Variants in VEPH1 observed in about 807,000 individuals in gnomAD.
VEPH1 encodes the protein ventricular zone expressed PH domain containing 1, also known as ventricular zone-expressed PH domain-containing protein homolog 1.
A neutral mutation model predicts 85.2 loss-of-function variants in VEPH1; 80 were observed. The ratio of observed to expected loss-of-function variants is 0.94; its 90% confidence interval spans 0.78 to 1.13. VEPH1 has a LOEUF of 1.13. Among genes scored for constraint, VEPH1 ranks in the 50% most tolerant of loss-of-function variants. The probability of loss-of-function intolerance (pLI) is 0.00; values close to 1 mark genes in which losing one functional copy is unlikely to be tolerated. For missense variants in VEPH1, 955 were observed against 980.5 expected, an observed-to-expected ratio of 0.97 and a Z score of 0.35; for synonymous variants, 297 against 348.0, an observed-to-expected ratio of 0.85 and a Z score of 1.63.
intron 12 of VEPH1, among the ~76,000 whole-genome samples, chr3:157,272,240 TCTTCCTTCCTTCCTTCCTTCCTTCCTTC>T (rs59176910): frequency 6.4e-4 from 88 of 137,316 alleles, no homozygotes; most frequent in African/African-American, 1.3e-3. Flanking sequence ...TCTCTTTTCT[TCTTCCTTCCTTCCTTCCTTCCTTCCTTC>T]CTTCCTTCCT....
intron 2 of VEPH1, among the ~76,000 whole-genome samples, chr3:157,486,366 G>T (rs1328494569): frequency 6.6e-6 from 1 of 151,584 alleles, no homozygotes; most frequent in Admixed American, 6.6e-5. Flanking sequence ...TGTGGTGGTG[G>T]GCACCTGTAA....
At chr3:157,431,845 C>CATAT (rs1478549081) in intron 4 of VEPH1, among the ~76,000 whole-genome samples, 6 of 149,496 alleles carry the variant, frequency 4.0e-5, no homozygotes, top group African/African-American at 1.5e-4. Flanking sequence ...TATATATATA[C>CATAT]ATATATATAT....
At chr3:157,461,529 G>A (rs1735872806) in intron 3 of VEPH1, among the ~76,000 whole-genome samples, 1 of 152,088 alleles carries the variant, frequency 6.6e-6, no homozygotes, top group African/African-American at 2.4e-5. Flanking sequence ...TGCAAAGCCA[G>A]GACCACTTAC....
intron 10 of VEPH1, 50 bp downstream of exon 10, chr3:157,317,012 C>T: frequency 6.4e-7 from 1 of 1,560,410 alleles, no homozygotes; most frequent in Non-Finnish European, 8.7e-7. Context: ...ATTATAAGCC[C>T]ATATCCCAGA....
rs746649299 is a variant in VEPH1 at position 157,495,251 on chromosome 3, T to C, written c.99A>G (p.Thr33=). The change falls in exon 2 of 14, where the codon ACA becomes ACG. Residue 33 remains threonine, a synonymous_variant. Coordinates refer to ENST00000362010, the MANE Select transcript of VEPH1 (RefSeq NM_001167912.2). ...TTATCTTAATTTGCTCCAAAGCTTCTGTAAGGCTGTCTTCAATCTCAGAGT... is the reference window on the plus strand; with the variant it reads ...TTATCTTAATTTGCTCCAAAGCTTCCGTAAGGCTGTCTTCAATCTCAGAGT... ...LDDSEIEDSL[T]EALEQIKIIS... is the part of the protein sequence containing the mutation. The C allele has an allele frequency of 5.6e-6, 9 of 1,613,914 alleles. No homozygotes were observed. In the Admixed American group the frequency reaches 1.3e-4, roughly 24 times the overall value.
intron 12 of VEPH1, among the ~76,000 whole-genome samples, chr3:157,275,250 C>A (rs1322934702): frequency 6.6e-6 from 1 of 152,054 alleles, no homozygotes; most frequent in Non-Finnish European, 1.5e-5. Flanking sequence ...AAGATAAATG[C>A]CTTCAAAAGA....
chr3:157,296,374 A>G (rs1718141686), intron 11 of VEPH1, among the ~76,000 whole-genome samples: 1 of 152,216 alleles, frequency 6.6e-6, no homozygotes, highest in Admixed American at 6.5e-5. Flanking sequence ...CAAAGAGACT[A>G]GCAAGGGTCA....
intron 6 of VEPH1, among the ~76,000 whole-genome samples, chr3:157,389,281 A>G (rs1729606007): frequency 6.6e-6 from 1 of 152,208 alleles, no homozygotes; most frequent in South Asian, 2.1e-4. Flanking sequence ...GGAACACTAG[A>G]GAGCACTTTA....
At chr3:157,429,725 G>A (rs771624044) in intron 4 of VEPH1, among the ~76,000 whole-genome samples, 9 of 152,066 alleles carry the variant, frequency 5.9e-5, no homozygotes, top group Non-Finnish European at 8.8e-5. Context: ...TACTATGAGC[G>A]TCTCCTTAAA....
Position 157,389,829 on chromosome 3 carries a change from G to T in VEPH1, c.907-8453C>A, listed in dbSNP as rs1363554257. On this transcript the variant is annotated intron_variant, in intron 6 of 13. Transcript: ENST00000362010. ...TCCTTGCAGTCATGCCCAGAGAGATGCAAGATCAGCTTTACTGAGGTCAGC... is the reference window on the plus strand; with the variant it reads ...TCCTTGCAGTCATGCCCAGAGAGATTCAAGATCAGCTTTACTGAGGTCAGC... 1.3e-5 allele frequency among the ~76,000 whole-genome samples: 2 copies of T among 152,162 alleles called. 1 individual carries two copies. Among genetic ancestry groups the T allele is most frequent in the South Asian group, 4.1e-4 (2 of 4,824 alleles).
chr3:157,261,362 G>T lies in VEPH1; in HGVS notation c.2274C>A (p.Asp758Glu). 6.2e-7 allele frequency: 1 copy of T among 1,613,308 alleles called. No individual in the cohort carries two copies. ...LLFQKGKSKD[D>E]PDDCPIELSK... The stretch of plus-strand genomic sequence containing the variant: ...TGAGTTCTATTGGGCAGTCGTCAGG[G>T]TCATCTTTCTGAAAGGCATGGGAAG... Residue 758 changes from aspartate to glutamate, a missense_variant, in exon 14 of 14, where the codon GAC becomes GAA. Coordinates refer to ENST00000362010, the MANE Select transcript of VEPH1 (RefSeq NM_001167912.2).
chr3:157,383,942 AT>A (rs1306277852), intron 6 of VEPH1, among the ~76,000 whole-genome samples: 3 of 152,140 alleles, frequency 2.0e-5, no homozygotes, highest in African/African-American at 7.2e-5. Flanking sequence ...CCATGTGTGA[AT>A]TCATGATATG....
intron 9 of VEPH1, among the ~76,000 whole-genome samples, chr3:157,322,625 C>T (rs1168873991): frequency 1.3e-5 from 2 of 152,114 alleles, no homozygotes; most frequent in Non-Finnish European, 2.9e-5. Context: ...TGAGGGCTGT[C>T]CAGAGCAGGG....
chr3:157,463,594 G>T (rs1736081987), intron 3 of VEPH1, among the ~76,000 whole-genome samples: 1 of 152,156 alleles, frequency 6.6e-6, no homozygotes, highest in African/African-American at 2.4e-5. Context: ...GAGGCTGGCT[G>T]CTCCCTTCCC....
At chr3:157,457,011 A>T (rs941575982) in intron 4 of VEPH1, among the ~76,000 whole-genome samples, 19 of 152,160 alleles carry the variant, frequency 1.2e-4, no homozygotes, top group Non-Finnish European at 1.6e-4. Context: ...ATGAGTATAG[A>T]ATATTTTTCC....
intron 5 of VEPH1, among the ~76,000 whole-genome samples, chr3:157,426,429 C>T (rs1304284021): frequency 6.6e-6 from 1 of 152,170 alleles, no homozygotes; most frequent in Admixed American, 6.6e-5. Flanking sequence ...GCCTAGAAGT[C>T]AAATCTGAGA....
At chr3:157,453,345 CT>C (rs1157261479) in intron 4 of VEPH1, among the ~76,000 whole-genome samples, 1 of 151,994 alleles carries the variant, frequency 6.6e-6, no homozygotes, top group Admixed American at 6.6e-5. Context: ...TCGTTTACAT[CT>C]GTAGGTTTCT....
intron 11 of VEPH1, among the ~76,000 whole-genome samples, chr3:157,308,184 G>T: frequency 8.9e-6 from 1 of 112,960 alleles, no homozygotes; most frequent in Non-Finnish European, 2.2e-5. Context: ...TTCTCTTTCT[G>T]GTTTATTCTT....
chr3:157,482,371 T>G (rs1413058156), intron 2 of VEPH1, among the ~76,000 whole-genome samples: 3 of 152,050 alleles, frequency 2.0e-5, no homozygotes, highest in Non-Finnish European at 4.4e-5. Context: ...ACCACAGGCA[T>G]GCACCACCAG....
Sources: allele counts gnomAD v4.1 joint callset (sites outside exome capture counted in the v4.1 genomes callset), GRCh38; gene constraint gnomAD v4.1.1; transcripts MANE v1.5; gene names NCBI Gene and HGNC (gene_info 2026-07-23, HGNC 2026-07-21).